The following HFM1 variants were observed in gnomAD, a reference collection of about 807,000 sequenced individuals.
HFM1 encodes helicase for meiosis 1, also known as probable ATP-dependent DNA helicase HFM1.
A neutral mutation model predicts 192.1 loss-of-function variants in HFM1; 169 were observed. The observed-to-expected ratio is 0.88, with a 90% CI of 0.78 to 1.00. The LOEUF (loss-of-function observed/expected upper bound fraction) is 1.00. HFM1 is among the 50% of genes least tolerant of loss of function. The pLI, the probability that HFM1 is intolerant of heterozygous loss-of-function variation, is 0.00. For synonymous variants in HFM1, 525 were observed against 537.8 expected, an observed-to-expected ratio of 0.98 and a Z score of 0.33; for missense variants, 1,661 against 1,668.0, an observed-to-expected ratio of 1.00 and a Z score of 0.07.
chr1:91,350,872 C>A lies in HFM1; in HGVS notation c.2073-1G>T. The A allele has an allele frequency of 6.4e-7, 1 of 1,563,886 alleles. No individual in the cohort carries two copies. The highest frequency in any genetic ancestry group is 8.7e-7 in the Non-Finnish European group (1 of 1,148,854). On this transcript the variant is annotated splice_acceptor_variant, in intron 17 of 38. Coordinates refer to ENST00000370425, the MANE Select transcript of HFM1 (RefSeq NM_001017975.6). LOFTEE classifies it high-confidence loss of function. ...ATGTTCAATAAGATGTCTGTGCAAA[C>A]TAATGAAAAAAAACTTTGCATTATG... is the stretch of plus-strand genomic sequence containing the variant.
intron 29 of HFM1, 32 bp downstream of exon 29, chr1:91,313,925 T>C (rs2101148619): frequency 8.7e-7 from 1 of 1,155,522 alleles, no homozygotes; most frequent in Non-Finnish European, 1.3e-6. Context: ...ATATTATTTA[T>C]ATTCATGTCT....
chr1:91,397,911 A>ATTTTTTTGG (rs1663858454), intron 2 of HFM1, among the ~76,000 whole-genome samples: 1 of 152,224 alleles, frequency 6.6e-6, no homozygotes, highest in Admixed American at 6.5e-5. Context: ...CCCAATGCCC[A>ATTTTTTTGG]GGTTTTTATT....
intron 8 of HFM1, among the ~76,000 whole-genome samples, chr1:91,379,778 A>T (rs533216684): frequency 3.5e-4 from 54 of 152,228 alleles, no homozygotes; most frequent in East Asian, 1.2e-3. Context: ...GATTAAAAAA[A>T]ATTTTTTAAA....
intron 8 of HFM1, 83 bp from the exon 9 acceptor site, chr1:91,379,297 T>TA (rs1000576708): frequency 1.0e-5 from 11 of 1,050,910 alleles, no homozygotes; most frequent in African/African-American, 9.8e-5. Context: ...AAAGTTAGCA[T>TA]AAAAAATACA....
In HFM1 at chr1:91,380,904, A is replaced by C. The variant is rs770980026; in HGVS notation, c.873+8T>G. 1.7e-6 allele frequency: 2 copies of C among 1,193,346 alleles called. No homozygotes were observed. The highest frequency in any genetic ancestry group is 2.6e-5 in the South Asian group (2 of 77,798). 73.9% of individuals were successfully genotyped at this position (1,193,346 alleles called of 1,614,324 possible). On this transcript the variant is annotated splice_region_variant and intron_variant, in intron 7 of 38. Transcript: ENST00000370425. ...TAGAAAAATAAATAAGTAAAATAAA[A>C]TACTTACATCATCAAAGGCCTTGGA... is the stretch of plus-strand genomic sequence containing the variant.
chr1:91,264,924 G>A (rs894650796), intron 36 of HFM1, among the ~76,000 whole-genome samples: 3 of 151,946 alleles, frequency 2.0e-5, no homozygotes, highest in Non-Finnish European at 2.9e-5. Flanking sequence ...ATCTACCTAG[G>A]TGCCATTTAT....
rs762469139 is a variant in HFM1 at position 91,274,818 on chromosome 1, G to C, written c.3589-9C>G. ...GATTTATTCATCTGTATCTATTAAT[G>C]AAACAAAAATAAGTTCAACTATCAG... On this transcript the variant is annotated splice_polypyrimidine_tract_variant and intron_variant, in intron 32 of 38. Transcript: ENST00000370425. 1 of 1,448,674 alleles carries C rather than the reference G, an allele frequency of 6.9e-7. No homozygotes were observed. The highest frequency in any genetic ancestry group is 2.3e-5 in the East Asian group (1 of 43,748). 89.7% of individuals were successfully genotyped at this position (1,448,674 alleles called of 1,614,324 possible). A position where few individuals can be genotyped will look rare whatever the true frequency, so the allele number is the denominator to read the frequency against.
At chr1:91,327,006 T>C (rs1035908608) in intron 20 of HFM1, among the ~76,000 whole-genome samples, 1 of 152,060 alleles carries the variant, frequency 6.6e-6, no homozygotes, top group Non-Finnish European at 1.5e-5. Context: ...TAACCTCAAA[T>C]TGAAAGACAT....
chr1:91,376,860 G>C (rs764613555), intron 11 of HFM1, among the ~76,000 whole-genome samples: 6 of 151,850 alleles, frequency 4.0e-5, no homozygotes, highest in Non-Finnish European at 5.9e-5. Flanking sequence ...ATTGAAAGAA[G>C]CACTTCTTTA....
At chr1:91,300,605 C>T (rs1383872626) in intron 30 of HFM1, among the ~76,000 whole-genome samples, 1 of 152,154 alleles carries the variant, frequency 6.6e-6, no homozygotes, top group Non-Finnish European at 1.5e-5. Context: ...TGGGCTTCAT[C>T]CCTGGGATGC....
rs755505134 is a variant in HFM1, at chr1:91,394,282, T to A, written c.305A>T (p.Asp102Val). 11 of 1,594,432 alleles carry A rather than the reference T, an allele frequency of 6.9e-6. No individual in the cohort carries two copies. The East Asian group carries it at 2.5e-4, about 36-fold the overall frequency. Reference sequence around the variant, plus strand: ...ACCTACCCCTTCTAAATTTAGATCATCCTGTTCATATTTATCAGAAGGAAA... The same window carrying A: ...ACCTACCCCTTCTAAATTTAGATCAACCTGTTCATATTTATCAGAAGGAAA... The part of the protein sequence containing the change: ...FAFPSDKYEQ[D>V]DLNLEGVGNN... The change falls in exon 4 of 39, where the codon GAT becomes GTT. Residue 102 changes from aspartate to valine, a missense_variant. Asp to Val is a radical substitution (Grantham distance 152). Coordinates refer to ENST00000370425, the MANE Select transcript of HFM1 (RefSeq NM_001017975.6).
intron 13 of HFM1, among the ~76,000 whole-genome samples, chr1:91,367,321 C>G (rs1035089230): frequency 6.6e-6 from 1 of 152,204 alleles, no homozygotes; most frequent in Non-Finnish European, 1.5e-5. Flanking sequence ...CAAGTGGGTC[C>G]CTGACCCCCA....
chr1:91,352,543 T>A lies in HFM1; in HGVS notation c.1940A>T (p.Asp647Val), dbSNP rs796915736. 10 of 1,608,230 alleles carry A rather than the reference T, an allele frequency of 6.2e-6. No individual in the cohort carries two copies. The African/African-American group carries it at 1.3e-4, about 22-fold the overall frequency. ...AGCTCTACCAATCATCTGTAGAATA[T>A]CTGTTTCACTGTACTCTTCAAACAG... ...GGLFEEYSET[D>V]ILQMIGRAGR... is the part of the protein sequence containing the mutation. The change falls in exon 16 of 39, where the codon GAT becomes GTT. Residue 647 changes from aspartate to valine, a missense_variant. Physicochemically the swap from Asp to Val is radical, Grantham distance 152. Transcript: ENST00000370425.
chr1:91,350,996 C>CA (rs1260005209), intron 17 of HFM1, 125 bp from the exon 18 acceptor site: 3 of 758,058 alleles, frequency 4.0e-6, no homozygotes, highest in Non-Finnish European at 5.7e-6. Context: ...ACTTAATTTC[C>CA]AAAAACATAA....
intron 13 of HFM1, among the ~76,000 whole-genome samples, chr1:91,363,735 C>T (rs1658851987): frequency 6.6e-6 from 1 of 152,132 alleles, no homozygotes; most frequent in African/African-American, 2.4e-5. Context: ...TACATGAACA[C>T]ATATGTTCAT....
At chr1:91,287,408 C>T (rs562649148) in intron 30 of HFM1, among the ~76,000 whole-genome samples, 3 of 152,046 alleles carry the variant, frequency 2.0e-5, no homozygotes, top group East Asian at 1.9e-4. Context: ...CAGACTGACA[C>T]CTCACACGTC....
In HFM1 at chr1:91,314,043, T is replaced by G; in HGVS notation, c.3158A>C (p.Lys1053Thr). 1 of 1,606,622 alleles carries G rather than the reference T, an allele frequency of 6.2e-7. No homozygotes were observed. The highest frequency in any genetic ancestry group is 8.5e-7 in the Non-Finnish European group (1 of 1,174,422). Residue 1053 changes from lysine (K) to threonine (T), a missense_variant, in exon 29 of 39, where the codon AAA becomes ACA. By Grantham distance (78) the Lys-to-Thr change is moderately conservative. Transcript: ENST00000370425. ...LHKITDSVLL[K>T]AGSWAKKIAV... ...AATCTTTTTAGCCCAACTTCCAGCT[T>G]TTAGCAAAACAGAATCCCTGAAAAA...
intron 4 of HFM1, among the ~76,000 whole-genome samples, chr1:91,393,167 G>T (rs564056783): frequency 4.7e-4 from 71 of 152,164 alleles, no homozygotes; most frequent in African/African-American, 1.7e-3. Flanking sequence ...ATCAACCTCA[G>T]CTGGACCCTT....
At chr1:91,364,026 G>A (rs1341260605) in intron 13 of HFM1, among the ~76,000 whole-genome samples, 1 of 152,122 alleles carries the variant, frequency 6.6e-6, no homozygotes, top group Non-Finnish European at 1.5e-5. Flanking sequence ...ATTGGGACCT[G>A]TTGGGGAGGT....
Sources: gnomAD v4.1 joint callset for allele counts (sites outside exome capture counted in the v4.1 genomes callset) on GRCh38, gnomAD v4.1.1 for gene constraint, MANE v1.5 for transcripts, NCBI Gene and HGNC (gene_info 2026-07-23, HGNC 2026-07-21) for gene names.